Variants in ODR4 observed in about 807,000 individuals in gnomAD.
The protein encoded by ODR4 is odr-4 GPCR localization factor homolog, also known as protein odr-4 homolog.
A neutral mutation model predicts 60.2 loss-of-function variants in ODR4; 47 were observed. That is an observed-to-expected ratio of 0.78 (90% CI 0.62 to 1.00). The LOEUF (loss-of-function observed/expected upper bound fraction) is 1.00, where lower values mean the gene tolerates loss of function less well. Among genes scored for constraint, ODR4 ranks in the 50% least tolerant of loss-of-function variants. The probability of loss-of-function intolerance (pLI) is 0.00; values close to 1 mark genes in which losing one functional copy is unlikely to be tolerated. For missense variants in ODR4, 488 were observed against 530.8 expected, an observed-to-expected ratio of 0.92 and a Z score of 0.79; for synonymous variants, 178 against 175.5, an observed-to-expected ratio of 1.01 and a Z score of -0.11.
the ODR4 span, among the ~76,000 whole-genome samples, chr1:186,434,748 T>TTATG: frequency 6.6e-6 from 1 of 152,184 alleles, no homozygotes; most frequent in Non-Finnish European, 1.5e-5. Flanking sequence ...ACACAGTTTA[T>TTATG]TATGTAAGTC....
rs1365250006 is a variant in ODR4 at position 186,420,723 on chromosome 1, G to A, written c.*1647G>A. 6.6e-6 allele frequency: 1 copy of A among 152,170 alleles called. No homozygotes were observed. Among genetic ancestry groups the A allele is most frequent in the East Asian group, 1.9e-4 (1 of 5,186 alleles). 9.4% of individuals were successfully genotyped at this position (152,170 alleles called of 1,614,324 possible). A position where few individuals can be genotyped will look rare whatever the true frequency, so the allele number is the denominator to read the frequency against. The stretch of plus-strand genomic sequence containing the variant: ...AAGAAATTACCCAGTGAGCAGTGAG[G>A]AGAAACAAGGAGCTAGAAAACATTG... On this transcript the variant is annotated 3_prime_UTR_variant, in exon 14 of 14. Transcript: ENST00000287859.
intron 4 of ODR4, 70 bp downstream of exon 4, chr1:186,386,153 G>A (rs1440169804): frequency 3.6e-6 from 3 of 839,300 alleles, no homozygotes; most frequent in Non-Finnish European, 5.5e-6. Flanking sequence ...ATGAGTATGT[G>A]TAATGATTCT....
the ODR4 span, among the ~76,000 whole-genome samples, chr1:186,429,265 G>T: frequency 1.3e-5 from 2 of 151,276 alleles, no homozygotes; most frequent in African/African-American, 4.9e-5. Context: ...CTGAGACTCT[G>T]TCTCAAGAAA....
intron 8 of ODR4, 146 bp from the exon 9 acceptor site, chr1:186,393,801 G>A: frequency 1.7e-6 from 1 of 599,582 alleles, no homozygotes; most frequent in Non-Finnish European, 3.0e-6. Flanking sequence ...AATACATAAA[G>A]TAATATCTAT....
At chr1:186,409,946 C>T (rs1661309306) in intron 12 of ODR4, among the ~76,000 whole-genome samples, 1 of 152,108 alleles carries the variant, frequency 6.6e-6, no homozygotes, top group Non-Finnish European at 1.5e-5. Flanking sequence ...CTTGTAGTTC[C>T]CTCTTCTATG....
chr1:186,388,606 A>G, intron 5 of ODR4, 58 bp downstream of exon 5: 1 of 1,004,414 alleles, frequency 1.0e-6, no homozygotes, highest in Non-Finnish European at 1.4e-6. Context: ...ATATTCTTGC[A>G]AGGTTTTTTT....
intron 2 of ODR4, among the ~76,000 whole-genome samples, chr1:186,380,246 T>C (rs1659972944): frequency 6.6e-6 from 1 of 152,228 alleles, no homozygotes; most frequent in Admixed American, 6.5e-5. Context: ...TCCAGTTCTT[T>C]ACAAAAGAAG....
chr1:186,410,543 T>C (rs1222462740), intron 12 of ODR4, among the ~76,000 whole-genome samples: 2 of 152,166 alleles, frequency 1.3e-5, no homozygotes, highest in African/African-American at 4.8e-5. Context: ...TATGCGTGAT[T>C]AGTTATGCAG....
rs759038992 is a variant in ODR4, at chr1:186,398,382, G to A, written c.850G>A (p.Ala284Thr). 2.5e-6 allele frequency: 4 copies of A among 1,611,408 alleles called. No individual in the cohort carries two copies. Among genetic ancestry groups the A allele is most frequent in the Admixed American group, 3.3e-5 (2 of 59,804 alleles). Reference sequence around the variant, plus strand: ...TAGCGGTTCTGTAAACCTTAAGGGTGCTGTGAAATGCAGAGCTTATATCCA... The same window carrying A: ...TAGCGGTTCTGTAAACCTTAAGGGTACTGTGAAATGCAGAGCTTATATCCA... Reference protein sequence around the residue: ...ICSGSVNLKGAVKCRAYIHSS... With the variant: ...ICSGSVNLKGTVKCRAYIHSS... The change falls in exon 10 of 14, where the codon GCT (alanine) becomes ACT (threonine). Residue 284 changes from alanine to threonine, a missense_variant. Physicochemically the swap from Ala to Thr is moderately conservative, Grantham distance 58. Transcript: ENST00000287859.
intron 7 of ODR4, among the ~76,000 whole-genome samples, chr1:186,391,269 T>C (rs943910726): frequency 2.0e-5 from 3 of 151,982 alleles, no homozygotes; most frequent in Middle Eastern, 3.2e-3. Context: ...TTTCCAGTTC[T>C]TTTTTGTATT....
chr1:186,415,125 T>C (rs947242780), intron 12 of ODR4, among the ~76,000 whole-genome samples: 3 of 152,014 alleles, frequency 2.0e-5, no homozygotes, highest in Non-Finnish European at 4.4e-5. Context: ...TTGTTTTTTG[T>C]TTTTAAAGTA....
chr1:186,406,814 T>C (rs1330088139), intron 12 of ODR4, among the ~76,000 whole-genome samples: 1 of 152,174 alleles, frequency 6.6e-6, no homozygotes, highest in African/African-American at 2.4e-5. Context: ...CATTTTTTTT[T>C]CCCTAGCCAT....
chr1:186,423,229 C>T (rs1478580051), downstream of ODR4, among the ~76,000 whole-genome samples: 1 of 152,036 alleles, frequency 6.6e-6, no homozygotes, highest in Non-Finnish European at 1.5e-5. Flanking sequence ...TGAGGGAATA[C>T]TTGCCAGCAT....
chr1:186,383,676 T>TAG (rs1017441857), intron 3 of ODR4, among the ~76,000 whole-genome samples: 2 of 138,568 alleles, frequency 1.4e-5, no homozygotes, highest in East Asian at 2.4e-4. Flanking sequence ...TCTGTGTATG[T>TAG]AGATATATAT....
chr1:186,418,871 T>C (rs1296258239), intron 13 of ODR4, 138 bp from the exon 14 acceptor site: 2 of 679,928 alleles, frequency 2.9e-6, no homozygotes, highest in Non-Finnish European at 5.2e-6. Context: ...TATATACATA[T>C]GTATGTCTAT....
Position 186,386,093 on chromosome 1 carries a change from A to G in ODR4, c.330+10A>G, listed in dbSNP as rs755144990. The G allele has an allele frequency of 8.7e-6, 13 of 1,488,992 alleles. No homozygotes were observed. The highest frequency in any genetic ancestry group is 1.9e-4 in the Middle Eastern group (1 of 5,286). 92.2% of individuals were successfully genotyped at this position (1,488,992 alleles called of 1,614,324 possible). On this transcript the variant is annotated intron_variant, in intron 4 of 13. Transcript: ENST00000287859. The stretch of plus-strand genomic sequence containing the variant: ...AAATGCCCTGCGTAGAGTAAGTTTG[A>G]TATATCGAAAATTCTTAATGAAATC...
chr1:186,416,155 A>T (rs1463218241), intron 12 of ODR4, among the ~76,000 whole-genome samples: 1 of 152,218 alleles, frequency 6.6e-6, no homozygotes, highest in Non-Finnish European at 1.5e-5. Flanking sequence ...CATGAGCCAG[A>T]GGCCCATGTA....
Position 186,419,099 on chromosome 1 carries a change from G to C in ODR4, c.*23G>C. On this transcript the variant is annotated 3_prime_UTR_variant, in exon 14 of 14. Coordinates refer to ENST00000287859, the MANE Select transcript of ODR4 (RefSeq NM_017847.6). The stretch of plus-strand genomic sequence containing the variant: ...TAGGGTGAGGCACAAAGAGTTTCTT[G>C]ATCATCCAGAGAACATTGACAGACA... The C allele has an allele frequency of 6.3e-7, 1 of 1,583,198 alleles. No individual in the cohort carries two copies. Among genetic ancestry groups the C allele is most frequent in the Non-Finnish European group, 8.6e-7 (1 of 1,156,070 alleles).
intron 9 of ODR4, among the ~76,000 whole-genome samples, chr1:186,397,402 G>C (rs1050860330): frequency 6.6e-6 from 1 of 151,566 alleles, no homozygotes; most frequent in Non-Finnish European, 1.5e-5. Flanking sequence ...TCCATTTTTT[G>C]GTTATTTTTT....
Sources: gnomAD v4.1 joint callset for allele counts (sites outside exome capture counted in the v4.1 genomes callset) on GRCh38, gnomAD v4.1.1 for gene constraint, MANE v1.5 for transcripts, NCBI Gene and HGNC (gene_info 2026-07-23, HGNC 2026-07-21) for gene names.